The following LRP1B variants were observed in gnomAD, a reference collection of about 807,000 sequenced individuals.
LRP1B encodes low-density lipoprotein receptor-related protein 1B.
Under a neutral mutation model 556.6 loss-of-function variants are expected in LRP1B, and 217 were observed. That is an observed-to-expected ratio of 0.39 (90% CI 0.35 to 0.44). The LOEUF is 0.44. Ranked by LOEUF, LRP1B falls within the 20% of genes least tolerant of loss-of-function variation. LRP1B has a pLI of 1.00. For synonymous variants in LRP1B, 2,047 were observed against 1,865.8 expected (o/e 1.10, Z -2.50); for missense variants, 5,053 against 5,620.8 (o/e 0.90, Z 3.23).
intron 66 of LRP1B, among the ~76,000 whole-genome samples, chr2:140,401,411 G>A (rs140947480): frequency 2.5e-4 from 38 of 152,268 alleles, no homozygotes; most frequent in East Asian, 2.1e-3. Flanking sequence ...CATTCCTTGC[G>A]TGAACTCTTC....
intron 2 of LRP1B, among the ~76,000 whole-genome samples, chr2:141,607,900 G>A (rs1199399152): frequency 2.6e-5 from 4 of 152,048 alleles, no homozygotes; most frequent in Non-Finnish European, 5.9e-5. Context: ...TTCAGCCTGG[G>A]TGACAGAATG....
chr2:142,075,713 C>G (rs1705472438), intron 1 of LRP1B, among the ~76,000 whole-genome samples: 1 of 152,048 alleles, frequency 6.6e-6, no homozygotes, highest in East Asian at 1.9e-4. Context: ...CTCTCTCTTT[C>G]TGTTTCCCTC....
At chr2:141,840,316 T>C (rs1007944179) in intron 1 of LRP1B, among the ~76,000 whole-genome samples, 1 of 133,514 alleles carries the variant, frequency 7.5e-6, no homozygotes, top group Non-Finnish European at 1.5e-5. Flanking sequence ...CACGCTGGAG[T>C]GCAGTGGCGC....
intron 1 of LRP1B, among the ~76,000 whole-genome samples, chr2:142,109,790 G>T (rs1706892094): frequency 6.6e-6 from 1 of 152,058 alleles, no homozygotes; most frequent in African/African-American, 2.4e-5. Context: ...AAAGACAAAA[G>T]TAATAAAACA....
chr2:140,374,831 T>C (rs1443043836), intron 68 of LRP1B, among the ~76,000 whole-genome samples: 3 of 152,124 alleles, frequency 2.0e-5, no homozygotes, highest in African/African-American at 4.8e-5. Context: ...TGAATGATTA[T>C]CTCTGCAAGT....
At position 140,583,387 on chromosome 2, in the gene LRP1B, G is replaced by C. The variant is rs201184393; in HGVS notation, c.7194+15244C>G. ...GATGGGGTTTCACCACGCTGGCCAG[G>C]CTTGTCTTGAACGCTTGGCTTCAAG... On this transcript the variant is annotated intron_variant, in intron 43 of 90. Transcript: ENST00000389484. 3.3e-5 allele frequency among the ~76,000 whole-genome samples: 5 copies of C among 151,750 alleles called. No individual in the cohort carries two copies. The East Asian group carries it at 9.7e-4, about 29-fold the overall frequency.
At chr2:140,470,178 A>T (rs1414324561) in intron 60 of LRP1B, among the ~76,000 whole-genome samples, 1 of 152,224 alleles carries the variant, frequency 6.6e-6, no homozygotes, top group Non-Finnish European at 1.5e-5. Flanking sequence ...TTAGTTTACA[A>T]GTGTTCAACT....
chr2:141,010,993 C>A (rs890671548), intron 14 of LRP1B, among the ~76,000 whole-genome samples: 2 of 146,488 alleles, frequency 1.4e-5, no homozygotes, highest in Non-Finnish European at 1.5e-5. Context: ...TTAATACTAT[C>A]TATCCATATG....
At chr2:140,639,118 T>G (rs1684181805) in intron 41 of LRP1B, among the ~76,000 whole-genome samples, 1 of 152,204 alleles carries the variant, frequency 6.6e-6, no homozygotes, top group Non-Finnish European at 1.5e-5. Context: ...AAAGAAGGTA[T>G]GAGTGTTAGT....
At chr2:140,971,061 C>T (rs1696406663) in intron 18 of LRP1B, among the ~76,000 whole-genome samples, 2 of 152,076 alleles carry the variant, frequency 1.3e-5, no homozygotes, top group South Asian at 4.1e-4. Context: ...TGATTGGTCG[C>T]TTATTGAAAC....
intron 1 of LRP1B, among the ~76,000 whole-genome samples, chr2:142,051,155 C>T (rs1157851822): frequency 1.3e-5 from 2 of 152,042 alleles, no homozygotes; most frequent in Non-Finnish European, 2.9e-5. Flanking sequence ...GCAGTAACTT[C>T]CAAAGAGTCC....
chr2:141,916,065 C>T (rs1177226256), intron 1 of LRP1B, among the ~76,000 whole-genome samples: 1 of 152,154 alleles, frequency 6.6e-6, no homozygotes, highest in South Asian at 2.1e-4. Flanking sequence ...TCCAGCAAAC[C>T]CATTGTTGGG....
chr2:140,798,661 C>G (rs1197819516), intron 32 of LRP1B, among the ~76,000 whole-genome samples: 1 of 152,116 alleles, frequency 6.6e-6, no homozygotes. Context: ...GTCCCTGTGC[C>G]TTGTAGGATA....
At chr2:141,303,637 A>G (rs1686476399) in intron 3 of LRP1B, among the ~76,000 whole-genome samples, 1 of 152,136 alleles carries the variant, frequency 6.6e-6, no homozygotes, top group Non-Finnish European at 1.5e-5. Context: ...ATGGCCAAAG[A>G]TACACCCCAT....
At chr2:141,118,791 T>A (rs1700970114) in intron 7 of LRP1B, among the ~76,000 whole-genome samples, 1 of 151,842 alleles carries the variant, frequency 6.6e-6, no homozygotes, top group Admixed American at 6.6e-5. Context: ...TTCTTTTGAA[T>A]TCCTATAAAG....
chr2:141,522,133 A>G (rs1455534100), intron 2 of LRP1B, among the ~76,000 whole-genome samples: 1 of 152,116 alleles, frequency 6.6e-6, no homozygotes. Context: ...AACTTGCTAG[A>G]AATGCAAATT....
At chr2:140,790,224 T>C (rs1197477144) in intron 32 of LRP1B, among the ~76,000 whole-genome samples, 1 of 152,160 alleles carries the variant, frequency 6.6e-6, no homozygotes, top group Non-Finnish European at 1.5e-5. Flanking sequence ...AGATATATAA[T>C]GATGAATTAC....
At chr2:141,657,308 T>C (rs1690048138) in intron 2 of LRP1B, among the ~76,000 whole-genome samples, 2 of 152,128 alleles carry the variant, frequency 1.3e-5, no homozygotes, top group South Asian at 4.1e-4. Flanking sequence ...TCATAATTCA[T>C]TTTCTAATGT....
chr2:141,473,966 C>T (rs1394747395), intron 3 of LRP1B, among the ~76,000 whole-genome samples: 3 of 151,804 alleles, frequency 2.0e-5, no homozygotes, highest in African/African-American at 7.3e-5. Context: ...TAAAGAGCTG[C>T]AAATTCATTT....
Sources: allele counts gnomAD v4.1 joint callset (sites outside exome capture counted in the v4.1 genomes callset), GRCh38; gene constraint gnomAD v4.1.1; transcripts MANE v1.5; gene names NCBI Gene and HGNC (gene_info 2026-07-23, HGNC 2026-07-21).